Variants in REDIC1 observed in about 807,000 individuals in gnomAD.
REDIC1 encodes regulator of DNA class I crossover intermediates 1, also known as HEI10 Interacting Protein 1.
chr12:39,749,873 C>T, the REDIC1 span, among the ~76,000 whole-genome samples: 3 of 152,198 alleles, frequency 2.0e-5, no homozygotes, highest in Non-Finnish European at 4.4e-5. Context: ...AACAATCCTG[C>T]ATGCTAAAAA....
the REDIC1 span, among the ~76,000 whole-genome samples, chr12:39,904,118 C>A: frequency 0.99 from 150,382 of 152,208 alleles, 74,319 homozygotes; most frequent in Middle Eastern, 1. Flanking sequence ...GAAGCCAAGC[C>A]CAAGCTTCCA....
chr12:39,736,606 G>A, the REDIC1 span: 3 of 152,234 alleles, frequency 2.0e-5, no homozygotes, highest in Non-Finnish European at 4.4e-5. Context: ...TTAATGACTT[G>A]CTTCTAACAA....
At chr12:39,822,994 C>G in the REDIC1 span, among the ~76,000 whole-genome samples, 1 of 152,028 alleles carries the variant, frequency 6.6e-6, no homozygotes, top group Non-Finnish European at 1.5e-5. Context: ...TCCGAGTCTG[C>G]AATATAGTCA....
the REDIC1 span, among the ~76,000 whole-genome samples, chr12:39,777,662 C>G: frequency 4.6e-5 from 7 of 152,042 alleles, no homozygotes; most frequent in Non-Finnish European, 1.0e-4. Context: ...GGCTGGATGT[C>G]GAGAGAAGCA....
At chr12:39,680,191 A>G in the REDIC1 span, among the ~76,000 whole-genome samples, 1 of 152,218 alleles carries the variant, frequency 6.6e-6, no homozygotes, top group Non-Finnish European at 1.5e-5. Context: ...AAGTAAACAG[A>G]CAACCCAGAA....
the REDIC1 span, among the ~76,000 whole-genome samples, chr12:39,629,971 A>G: frequency 1.3e-5 from 2 of 152,018 alleles, no homozygotes; most frequent in African/African-American, 4.8e-5. Flanking sequence ...ATCTATTGTC[A>G]GTCCCACCAG....
At chr12:39,889,960 A>G in the REDIC1 span, among the ~76,000 whole-genome samples, 139 of 152,294 alleles carry the variant, frequency 9.1e-4, 1 homozygote, top group Middle Eastern at 3.4e-3. Context: ...ACTTTCAACT[A>G]ATCTCTGGCC....
the REDIC1 span, among the ~76,000 whole-genome samples, chr12:39,835,314 T>TA: frequency 6.6e-6 from 1 of 152,076 alleles, no homozygotes; most frequent in Admixed American, 6.6e-5. Flanking sequence ...ACCTATGATC[T>TA]AACCCTAAAT....
At chr12:39,685,955 T>A in the REDIC1 span, among the ~76,000 whole-genome samples, 1 of 152,286 alleles carries the variant, frequency 6.6e-6, no homozygotes, top group Admixed American at 6.5e-5. Context: ...CAAAATAATC[T>A]CCCTTGACTC....
chr12:39,777,458 G>A, the REDIC1 span, among the ~76,000 whole-genome samples: 22 of 152,342 alleles, frequency 1.4e-4, no homozygotes, highest in Non-Finnish European at 3.1e-4. Context: ...TGATATGGAA[G>A]GGAAGTGCTA....
At chr12:39,704,580 C>G in the REDIC1 span, among the ~76,000 whole-genome samples, 1 of 151,642 alleles carries the variant, frequency 6.6e-6, no homozygotes, top group Non-Finnish European at 1.5e-5. Context: ...GGGTATATAC[C>G]CAAAGGACTA....
the REDIC1 span, among the ~76,000 whole-genome samples, chr12:39,770,289 A>G: frequency 1.3e-5 from 2 of 152,106 alleles, no homozygotes; most frequent in East Asian, 1.9e-4. Flanking sequence ...GTACCTAAGT[A>G]CCTAAAATAG....
chr12:39,756,218 G>A, the REDIC1 span: 2 of 152,020 alleles, frequency 1.3e-5, no homozygotes, highest in Admixed American at 6.6e-5. Context: ...CTACATATGA[G>A]CTATAAATTT....
the REDIC1 span, among the ~76,000 whole-genome samples, chr12:39,704,683 C>G: frequency 6.6e-6 from 1 of 152,042 alleles, no homozygotes; most frequent in Non-Finnish European, 1.5e-5. Context: ...AAATGTCCAA[C>G]AATGATAGAC....
At chr12:39,630,455 A>G in the REDIC1 span, among the ~76,000 whole-genome samples, 1 of 152,218 alleles carries the variant, frequency 6.6e-6, no homozygotes, top group African/African-American at 2.4e-5. Context: ...ATGTAGGCCT[A>G]GACCTAGTTC....
the REDIC1 span, among the ~76,000 whole-genome samples, chr12:39,656,438 C>A: frequency 6.6e-6 from 1 of 152,004 alleles, no homozygotes; most frequent in Admixed American, 6.6e-5. Context: ...ATTAACAAAC[C>A]TGCCAGTCAT....
At chr12:39,806,825 C>G in the REDIC1 span, among the ~76,000 whole-genome samples, 2 of 151,876 alleles carry the variant, frequency 1.3e-5, no homozygotes, top group Non-Finnish European at 2.9e-5. Flanking sequence ...TGGAAACAAC[C>G]CATGTCTTTA....
the REDIC1 span, among the ~76,000 whole-genome samples, chr12:39,670,648 C>T: frequency 6.6e-6 from 1 of 151,974 alleles, no homozygotes; most frequent in Non-Finnish European, 1.5e-5. Context: ...TTTTCTATAC[C>T]ATTAAACTTT....
chr12:39,849,483 A>G, the REDIC1 span, among the ~76,000 whole-genome samples: 2 of 152,120 alleles, frequency 1.3e-5, no homozygotes, highest in African/African-American at 4.8e-5. Flanking sequence ...TAGCTTGTCA[A>G]GGTTGTTTTG....
Sources: gnomAD v4.1 joint callset for allele counts (sites outside exome capture counted in the v4.1 genomes callset) on GRCh38, gnomAD v4.1.1 for gene constraint, MANE v1.5 for transcripts, NCBI Gene and HGNC (gene_info 2026-07-23, HGNC 2026-07-21) for gene names.